RPS6KC1: variants seen among roughly 807,000 people sequenced by gnomAD.
RPS6KC1 encodes inactive ribosomal protein S6 kinase delta-1.
RPS6KC1 carries 54 observed loss-of-function variants against 103.8 expected under a neutral mutation model. The ratio of observed to expected loss-of-function variants is 0.52; its 90% confidence interval spans 0.42 to 0.65. The LOEUF is 0.65. Ranked by LOEUF, RPS6KC1 falls within the 30% of genes least tolerant of loss-of-function variation. The probability of loss-of-function intolerance (pLI) is 0.00; values close to 1 mark genes in which losing one functional copy is unlikely to be tolerated. For missense variants in RPS6KC1, 1,151 were observed against 1,253.8 expected (o/e 0.92, Z 1.24); for synonymous variants, 439 against 438.7 (o/e 1.00, Z -0.01).
the RPS6KC1 span, among the ~76,000 whole-genome samples, chr1:213,540,120 T>C: frequency 6.6e-6 from 1 of 150,966 alleles, no homozygotes; most frequent in Non-Finnish European, 1.5e-5. Flanking sequence ...AATTTCTTCC[T>C]TTTTTTTGTG....
chr1:213,516,240 G>T, the RPS6KC1 span, among the ~76,000 whole-genome samples: 2 of 152,060 alleles, frequency 1.3e-5, no homozygotes, highest in African/African-American at 2.4e-5. Context: ...CTGCCTGATT[G>T]CCCTGGCCAG....
At chr1:213,164,039 C>T (rs2090731342) in intron 6 of RPS6KC1, among the ~76,000 whole-genome samples, 1 of 152,134 alleles carries the variant, frequency 6.6e-6, no homozygotes, top group Non-Finnish European at 1.5e-5. Flanking sequence ...TGAAAGGTAG[C>T]TTAGGATAGT....
intron 2 of RPS6KC1, among the ~76,000 whole-genome samples, chr1:213,072,132 A>G (rs556712320): frequency 4.0e-5 from 6 of 150,730 alleles, no homozygotes; most frequent in Non-Finnish European, 8.9e-5. Flanking sequence ...TGATTCTGCA[A>G]CAGTATTGTT....
At chr1:213,185,962 AAAT>A (rs2092508220) in intron 8 of RPS6KC1, among the ~76,000 whole-genome samples, 1 of 151,770 alleles carries the variant, frequency 6.6e-6, no homozygotes, top group African/African-American at 2.4e-5. Context: ...CTTAGGTCAC[AAAT>A]AATAAGAATA....
At chr1:213,668,140 G>A in the RPS6KC1 span, among the ~76,000 whole-genome samples, 3 of 152,096 alleles carry the variant, frequency 2.0e-5, no homozygotes, top group Non-Finnish European at 4.4e-5. Flanking sequence ...CATCTAACAT[G>A]GTGAATCCTT....
intron 12 of RPS6KC1, among the ~76,000 whole-genome samples, chr1:213,250,231 C>T (rs2094523082): frequency 1.3e-5 from 2 of 152,188 alleles, no homozygotes; most frequent in African/African-American, 4.8e-5. Flanking sequence ...TGTCACCTTG[C>T]AGCACTGGGA....
Position 213,217,400 on chromosome 1 carries a change from A to T in RPS6KC1, c.1045-13097A>T, listed in dbSNP as rs535933249. Among the ~76,000 whole-genome samples the T allele has an allele frequency of 1.1e-4, 16 of 152,338 alleles. No individual in the cohort carries two copies. In the South Asian group the frequency reaches 3.1e-3, roughly 30 times the overall value. The stretch of plus-strand genomic sequence containing the variant: ...AATTAATAGCTTACCAACCAAAAAA[A>T]GTCCAGGACCAGATGGATTCACAGC... On this transcript the variant is annotated intron_variant, in intron 8 of 14. Coordinates refer to ENST00000366960, the MANE Select transcript of RPS6KC1 (RefSeq NM_012424.6).
At chr1:213,511,118 C>A in the RPS6KC1 span, among the ~76,000 whole-genome samples, 1 of 151,444 alleles carries the variant, frequency 6.6e-6, no homozygotes, top group Non-Finnish European at 1.5e-5. Context: ...GATGATATAA[C>A]TCAAGAAAAA....
the RPS6KC1 span, among the ~76,000 whole-genome samples, chr1:213,778,420 C>T: frequency 1.3e-5 from 2 of 152,112 alleles, no homozygotes; most frequent in Non-Finnish European, 2.9e-5. Flanking sequence ...CATTTATCTC[C>T]TTTCTCCTCT....
rs1167392812 is a variant in RPS6KC1 at position 213,077,680 on chromosome 1, A to T, written c.142-16A>T. 3 of 1,386,092 alleles carry T rather than the reference A, an allele frequency of 2.2e-6. No individual in the cohort carries two copies. The highest frequency in any genetic ancestry group is 3.0e-6 in the Non-Finnish European group (3 of 1,015,174). 85.9% of individuals were successfully genotyped at this position (1,386,092 alleles called of 1,614,324 possible). A position where few individuals can be genotyped will look rare whatever the true frequency, so the allele number is the denominator to read the frequency against. On this transcript the variant is annotated splice_polypyrimidine_tract_variant and intron_variant, in intron 2 of 14. Coordinates refer to ENST00000366960, the MANE Select transcript of RPS6KC1 (RefSeq NM_012424.6). Reference sequence around the variant, plus strand: ...TAAATGGTTATGAGATACATGTTTAATTTTTTTCTCTCTAGATAATTGTAT... The same window carrying T: ...TAAATGGTTATGAGATACATGTTTATTTTTTTTCTCTCTAGATAATTGTAT...
At chr1:213,438,901 C>A in the RPS6KC1 span, among the ~76,000 whole-genome samples, 7 of 149,742 alleles carry the variant, frequency 4.7e-5, no homozygotes, top group African/African-American at 1.7e-4. Flanking sequence ...TCACACCATT[C>A]TCCTGCCTCA....
chr1:213,523,645 T>A, the RPS6KC1 span, among the ~76,000 whole-genome samples: 1 of 152,258 alleles, frequency 6.6e-6, no homozygotes. Flanking sequence ...GTTATCTTTA[T>A]GACCATTATT....
At chr1:213,466,847 A>T in the RPS6KC1 span, among the ~76,000 whole-genome samples, 328 of 152,208 alleles carry the variant, frequency 2.2e-3, no homozygotes, top group African/African-American at 7.0e-3. Flanking sequence ...CATTGCTTTC[A>T]TATGTGAAGA....
chr1:213,355,386 C>T, the RPS6KC1 span, among the ~76,000 whole-genome samples: 6 of 152,070 alleles, frequency 3.9e-5, no homozygotes, highest in Admixed American at 1.3e-4. Flanking sequence ...CTTGCAGAAT[C>T]GGGAGCTGTA....
chr1:213,755,446 C>G, the RPS6KC1 span, among the ~76,000 whole-genome samples: 2 of 152,206 alleles, frequency 1.3e-5, no homozygotes, highest in Non-Finnish European at 2.9e-5. Context: ...CATTAACTCC[C>G]AGACACTTTA....
At chr1:213,689,595 G>A in the RPS6KC1 span, among the ~76,000 whole-genome samples, 1 of 152,174 alleles carries the variant, frequency 6.6e-6, no homozygotes, top group Non-Finnish European at 1.5e-5. Context: ...AGCCCTCACT[G>A]GGCACATCTA....
the RPS6KC1 span, among the ~76,000 whole-genome samples, chr1:213,521,880 C>A: frequency 1.3e-5 from 2 of 152,188 alleles, no homozygotes; most frequent in Non-Finnish European, 2.9e-5. Flanking sequence ...CCCCTACTGA[C>A]GTTGCGAGTC....
At chr1:213,124,097 A>G (rs1167460026) in intron 5 of RPS6KC1, among the ~76,000 whole-genome samples, 12 of 152,126 alleles carry the variant, frequency 7.9e-5, no homozygotes, top group Admixed American at 1.3e-4. Context: ...ATAAACGCCT[A>G]TGTCTGTAGC....
At chr1:213,375,168 CACAT>C in the RPS6KC1 span, among the ~76,000 whole-genome samples, 57 of 150,920 alleles carry the variant, frequency 3.8e-4, no homozygotes, top group African/African-American at 1.4e-3. Context: ...CACGCATACA[CACAT>C]ACACATACAC....
Sources: gnomAD v4.1 joint callset for allele counts (sites outside exome capture counted in the v4.1 genomes callset) on GRCh38, gnomAD v4.1.1 for gene constraint, MANE v1.5 for transcripts, NCBI Gene and HGNC (gene_info 2026-07-23, HGNC 2026-07-21) for gene names.